Variants in PPP3CC observed in about 807,000 individuals in gnomAD.
PPP3CC encodes serine/threonine-protein phosphatase 2B catalytic subunit gamma isoform.
PPP3CC carries 35 observed loss-of-function variants against 60.3 expected under a neutral mutation model. The observed-to-expected ratio is 0.58, with a 90% CI of 0.44 to 0.77. The LOEUF is 0.77. Among genes scored for constraint, PPP3CC ranks in the 30% least tolerant of loss-of-function variants. The pLI, the probability that PPP3CC is intolerant of heterozygous loss-of-function variation, is 0.00. For synonymous variants in PPP3CC, 206 were observed against 224.3 expected, an observed-to-expected ratio of 0.92 and a Z score of 0.73; for missense variants, 570 against 628.9, an observed-to-expected ratio of 0.91 and a Z score of 1.00.
At chr8:22,442,646 A>G (rs949726785) in intron 1 of PPP3CC, among the ~76,000 whole-genome samples, 1 of 152,190 alleles carries the variant, frequency 6.6e-6, no homozygotes, top group Non-Finnish European at 1.5e-5. Context: ...TTGTTCATCT[A>G]ACTGACATTA....
At chr8:22,517,735 TTGAG>T (rs1199899692) in intron 6 of PPP3CC, among the ~76,000 whole-genome samples, 1 of 152,142 alleles carries the variant, frequency 6.6e-6, no homozygotes, top group Non-Finnish European at 1.5e-5. Context: ...TTTTATTTAT[TTGAG>T]TATCTCTTTT....
chr8:22,461,228 G>A (rs897050690), intron 1 of PPP3CC, among the ~76,000 whole-genome samples: 3 of 152,090 alleles, frequency 2.0e-5, no homozygotes, highest in Non-Finnish European at 4.4e-5. Context: ...TTAATGATAA[G>A]GGGTTTTTAA....
chr8:22,515,809 T>G (rs1839227813), intron 6 of PPP3CC, among the ~76,000 whole-genome samples: 1 of 152,214 alleles, frequency 6.6e-6, no homozygotes. Flanking sequence ...ATTTTTAAAT[T>G]GGATTATTGG....
At chr8:22,473,104 G>C (rs1346731781) in intron 1 of PPP3CC, among the ~76,000 whole-genome samples, 1 of 152,108 alleles carries the variant, frequency 6.6e-6, no homozygotes, top group African/African-American at 2.4e-5. Flanking sequence ...CTTATAATAG[G>C]ACTTTCTTTA....
chr8:22,538,025 A>G (rs568828551), intron 12 of PPP3CC, among the ~76,000 whole-genome samples: 3 of 152,356 alleles, frequency 2.0e-5, no homozygotes, highest in African/African-American at 4.8e-5. Flanking sequence ...ATTGACTTGT[A>G]TACTTTAAAC....
At chr8:22,532,863 T>G (rs1403807109) in intron 11 of PPP3CC, 58 bp from the exon 12 acceptor site, 1 of 1,204,204 alleles carries the variant, frequency 8.3e-7, no homozygotes, top group East Asian at 2.8e-5. Flanking sequence ...TCAATATCTT[T>G]AAGTTGCTGA....
intron 3 of PPP3CC, among the ~76,000 whole-genome samples, chr8:22,478,274 C>G (rs1007746071): frequency 6.6e-6 from 1 of 151,586 alleles, no homozygotes; most frequent in African/African-American, 2.4e-5. Flanking sequence ...GCCTCTGCCT[C>G]CTGAGTAGCT....
intron 5 of PPP3CC, among the ~76,000 whole-genome samples, chr8:22,512,148 A>G (rs1044317508): frequency 2.0e-5 from 3 of 152,098 alleles, no homozygotes; most frequent in African/African-American, 7.2e-5. Flanking sequence ...AGTGATAGAT[A>G]CTCATCCTCT....
At chr8:22,511,360 G>T (rs989727767) in intron 5 of PPP3CC, 129 bp downstream of exon 5, 24 of 1,006,676 alleles carry the variant, frequency 2.4e-5, no homozygotes, top group African/African-American at 8.1e-5. Context: ...TGCTATCTCA[G>T]CTCACTGCAA....
chr8:22,533,066 ACAGT>A (rs1839760867), intron 12 of PPP3CC, 48 bp downstream of exon 12: 11 of 1,361,536 alleles, frequency 8.1e-6, no homozygotes, highest in Non-Finnish European at 1.1e-5. Flanking sequence ...CCGTTACCTA[ACAGT>A]CAGCACACAC....
chr8:22,524,035 T>G (rs1439967036), intron 8 of PPP3CC, among the ~76,000 whole-genome samples: 3 of 152,162 alleles, frequency 2.0e-5, no homozygotes, highest in Non-Finnish European at 4.4e-5. Context: ...AGCCTCATCT[T>G]TAAAATATCT....
chr8:22,452,198 T>A (rs1399967366), intron 1 of PPP3CC, among the ~76,000 whole-genome samples: 1 of 152,002 alleles, frequency 6.6e-6, no homozygotes, highest in East Asian at 1.9e-4. Flanking sequence ...TCTGGCTAAA[T>A]GTTTTATTTT....
At chr8:22,517,552 T>A (rs1394712282) in intron 6 of PPP3CC, among the ~76,000 whole-genome samples, 1 of 152,228 alleles carries the variant, frequency 6.6e-6, no homozygotes. Context: ...GCTATTGGTC[T>A]GTTTGGGCTT....
chr8:22,441,437 A>G lies in PPP3CC; in HGVS notation c.28A>G (p.Thr10Ala). 6.5e-7 allele frequency: 1 copy of G among 1,546,816 alleles called. No individual in the cohort carries two copies. Among genetic ancestry groups the G allele is most frequent in the Non-Finnish European group, 8.7e-7 (1 of 1,146,348 alleles). Residue 10 changes from threonine to alanine, a missense_variant, in exon 1 of 14, where the codon ACC becomes GCC. Thr to Ala is a moderately conservative substitution (Grantham distance 58). Transcript: ENST00000240139. MSGRRFHLS[T>A]TDRVIKAVPF... Reference sequence around the variant, plus strand: ...GTCCGGGAGGCGCTTCCACCTCTCCACCACCGACCGCGTCATCAAAGGTGC... The same window carrying G: ...GTCCGGGAGGCGCTTCCACCTCTCCGCCACCGACCGCGTCATCAAAGGTGC...
At chr8:22,471,781 GACTTTATAA>G (rs577053081) in intron 1 of PPP3CC, among the ~76,000 whole-genome samples, 191 of 152,186 alleles carry the variant, frequency 1.3e-3, no homozygotes, top group African/African-American at 4.4e-3. Context: ...CACTACTGGA[GACTTTATAA>G]ACTTTATAAA....
At chr8:22,463,690 G>A (rs570783838) in intron 1 of PPP3CC, among the ~76,000 whole-genome samples, 1 of 151,992 alleles carries the variant, frequency 6.6e-6, no homozygotes, top group Non-Finnish European at 1.5e-5. Context: ...CCTATAAAGT[G>A]TATTATGAGT....
rs140976542 is a variant in PPP3CC, at chr8:22,478,573, C to T, written c.372+2949C>T. Among the ~76,000 whole-genome samples, 677 of 152,276 alleles carry T rather than the reference C, an allele frequency of 4.4e-3. 6 individuals carry two copies. The highest frequency in any genetic ancestry group is 0.016 in the African/African-American group (655 of 41,562). On this transcript the variant is annotated intron_variant, in intron 3 of 13. Coordinates refer to ENST00000240139, the MANE Select transcript of PPP3CC (RefSeq NM_005605.5). ...ATTCAATAAAGCACATAGAAAATATCAACAATGATTTTGTGCACAGACATC... is the reference window on the plus strand; with the variant it reads ...ATTCAATAAAGCACATAGAAAATATTAACAATGATTTTGTGCACAGACATC...
chr8:22,472,661 C>T (rs1355746106), intron 1 of PPP3CC, among the ~76,000 whole-genome samples: 2 of 152,084 alleles, frequency 1.3e-5, no homozygotes, highest in Non-Finnish European at 2.9e-5. Flanking sequence ...TGTTTGTAAG[C>T]AGTTAATGCA....
chr8:22,460,366 T>G (rs1303140449), intron 1 of PPP3CC, among the ~76,000 whole-genome samples: 1 of 152,044 alleles, frequency 6.6e-6, no homozygotes, highest in East Asian at 1.9e-4. Context: ...TGTGTGTGAG[T>G]GTGTGTTTTG....
Sources: gnomAD v4.1 joint callset for allele counts (sites outside exome capture counted in the v4.1 genomes callset) on GRCh38, gnomAD v4.1.1 for gene constraint, MANE v1.5 for transcripts, NCBI Gene and HGNC (gene_info 2026-07-23, HGNC 2026-07-21) for gene names.